Variants in EPHX2 observed in about 807,000 individuals in gnomAD.
EPHX2 encodes the protein epoxide hydrolase 2, also known as bifunctional epoxide hydrolase 2.
EPHX2 carries 74 observed loss-of-function variants against 78.7 expected under a neutral mutation model. The observed-to-expected ratio is 0.94, with a 90% CI of 0.78 to 1.14. The LOEUF is 1.14. Ranked by LOEUF, EPHX2 falls within the 50% of genes most tolerant of loss-of-function variation. The pLI, the probability that EPHX2 is intolerant of heterozygous loss-of-function variation, is 0.00. For synonymous variants in EPHX2, 251 were observed against 255.2 expected (o/e 0.98, Z 0.16); for missense variants, 715 against 702.5 (o/e 1.02, Z -0.20).
intron 11 of EPHX2, among the ~76,000 whole-genome samples, chr8:27,525,075 T>C (rs1814777494): frequency 3.6e-5 from 4 of 112,304 alleles, no homozygotes; most frequent in African/African-American, 1.7e-4. Flanking sequence ...GTACTGTGTG[T>C]GTGTGTGTGT....
Position 27,544,478 on chromosome 8 carries a change from C to T in EPHX2, c.1624C>T (p.Leu542=). The T allele has an allele frequency of 6.2e-7, 1 of 1,614,012 alleles. No homozygotes were observed. The highest frequency in any genetic ancestry group is 8.5e-7 in the Non-Finnish European group (1 of 1,180,026). Reference sequence around the variant, plus strand: ...GGTGAATCAGATCCTCATTAAGTGGCTGGATTCTGATGCCCGGAACCCACC... The same window carrying T: ...GGTGAATCAGATCCTCATTAAGTGGTTGGATTCTGATGCCCGGAACCCACC... ...TEVNQILIKW[L]DSDARNPPVV... is the part of the protein sequence containing the mutation. Residue 542 remains leucine, a synonymous_variant, in exon 19 of 19, where the codon CTG becomes TTG. Transcript: ENST00000521400.
intron 14 of EPHX2, 188 bp downstream of exon 14, chr8:27,538,880 C>A: frequency 1.6e-6 from 1 of 628,710 alleles, no homozygotes; most frequent in Non-Finnish European, 2.9e-6. Context: ...GCCTGGAGTT[C>A]CTACCCTCTA....
chr8:27,536,532 A>G (rs1815217027), intron 12 of EPHX2, among the ~76,000 whole-genome samples: 1 of 152,206 alleles, frequency 6.6e-6, no homozygotes, highest in South Asian at 2.1e-4. Flanking sequence ...TTATAGGAAT[A>G]TTGAAAAACA....
chr8:27,530,762 C>CTTT (rs11343503), intron 12 of EPHX2, among the ~76,000 whole-genome samples: 6 of 127,354 alleles, frequency 4.7e-5, no homozygotes, highest in Non-Finnish European at 8.1e-5. Context: ...TAATTTTTTT[C>CTTT]TTTTTTTTTT....
chr8:27,535,510 G>A (rs1815184528), intron 12 of EPHX2, among the ~76,000 whole-genome samples: 1 of 152,126 alleles, frequency 6.6e-6, no homozygotes, highest in Non-Finnish European at 1.5e-5. Flanking sequence ...GCCCCTAGTG[G>A]ATCTCTGCCT....
At chr8:27,520,439 C>T (rs1167200776) in intron 9 of EPHX2, among the ~76,000 whole-genome samples, 2 of 151,812 alleles carry the variant, frequency 1.3e-5, no homozygotes, top group African/African-American at 4.8e-5. Flanking sequence ...CTCTGCCTCC[C>T]GGGTTCAAGT....
At chr8:27,502,973 C>T (rs894789182) in intron 2 of EPHX2, among the ~76,000 whole-genome samples, 10 of 152,202 alleles carry the variant, frequency 6.6e-5, no homozygotes, top group African/African-American at 2.4e-4. Flanking sequence ...GTTTGTGCCC[C>T]CCGCCCAAAA....
At chr8:27,538,779 C>A in intron 14 of EPHX2, 87 bp downstream of exon 14, 4 of 1,455,652 alleles carry the variant, frequency 2.7e-6, no homozygotes, top group Non-Finnish European at 3.9e-6. Context: ...GGGCAGAAGC[C>A]CTGAGCTCTC....
chr8:27,540,523 T>G lies in EPHX2; in HGVS notation c.1277-31T>G. The G allele has an allele frequency of 3.7e-6, 6 of 1,600,086 alleles. No homozygotes were observed. The South Asian group carries it at 6.6e-5, about 18-fold the overall frequency. ...AAAATGCAGACACCTGGCCCGGGGA[T>G]GGGAAAGTCAACAAGTGGCTTTTTT... On this transcript the variant is annotated intron_variant, in intron 14 of 18. Coordinates refer to ENST00000521400, the MANE Select transcript of EPHX2 (RefSeq NM_001979.6).
At chr8:27,494,824 G>A (rs1407473503) in intron 1 of EPHX2, among the ~76,000 whole-genome samples, 1 of 152,186 alleles carries the variant, frequency 6.6e-6, no homozygotes, top group Non-Finnish European at 1.5e-5. Flanking sequence ...GGCTGGCTTC[G>A]GGCATGAGTA....
chr8:27,530,048 A>G, intron 12 of EPHX2, among the ~76,000 whole-genome samples: 1 of 150,610 alleles, frequency 6.6e-6, no homozygotes, highest in East Asian at 1.9e-4. Context: ...TTTCTCCTCA[A>G]AACATTGAGT....
At chr8:27,540,262 T>C (rs966406948) in intron 14 of EPHX2, among the ~76,000 whole-genome samples, 1 of 152,172 alleles carries the variant, frequency 6.6e-6, no homozygotes, top group South Asian at 2.1e-4. Flanking sequence ...ATATAGCTGC[T>C]GTGTGCCTGA....
intron 12 of EPHX2, among the ~76,000 whole-genome samples, chr8:27,526,078 T>C (rs72475899): frequency 5.9e-5 from 9 of 152,260 alleles, no homozygotes; most frequent in African/African-American, 2.2e-4. Context: ...GCAGGAATTA[T>C]CCAGAGAGAA....
chr8:27,515,226 C>G (rs1277527168), intron 6 of EPHX2, among the ~76,000 whole-genome samples: 1 of 152,176 alleles, frequency 6.6e-6, no homozygotes, highest in East Asian at 1.9e-4. Flanking sequence ...AAACCCTGCT[C>G]TTTACTCATG....
chr8:27,523,882 A>G (rs533632862), intron 11 of EPHX2, among the ~76,000 whole-genome samples: 1 of 152,094 alleles, frequency 6.6e-6, no homozygotes, highest in Non-Finnish European at 1.5e-5. Context: ...AACAAAAGGA[A>G]AGATAGCAAC....
At chr8:27,501,390 CTTCT>C (rs747666303) in intron 2 of EPHX2, among the ~76,000 whole-genome samples, 9 of 99,180 alleles carry the variant, frequency 9.1e-5, no homozygotes, top group African/African-American at 2.7e-4. Context: ...TCTTCTTCTT[CTTCT>C]TTCTTCTTTC....
intron 5 of EPHX2, among the ~76,000 whole-genome samples, chr8:27,508,038 C>T (rs774962788): frequency 6.6e-6 from 1 of 152,182 alleles, no homozygotes; most frequent in Non-Finnish European, 1.5e-5. Flanking sequence ...CAGTGGCTCA[C>T]TCCTGTAATC....
chr8:27,538,511 G>A, intron 13 of EPHX2, 148 bp from the exon 14 acceptor site: 1 of 670,910 alleles, frequency 1.5e-6, no homozygotes, highest in Non-Finnish European at 2.5e-6. Context: ...GTTACAGTCT[G>A]CGTGGTACTC....
chr8:27,506,613 G>T (rs1667207395), intron 4 of EPHX2, among the ~76,000 whole-genome samples: 1 of 152,150 alleles, frequency 6.6e-6, no homozygotes, highest in African/African-American at 2.4e-5. Context: ...TTTCCCAGAA[G>T]AATTTTAATG....
Sources: gnomAD v4.1 joint callset for allele counts (sites outside exome capture counted in the v4.1 genomes callset) on GRCh38, gnomAD v4.1.1 for gene constraint, MANE v1.5 for transcripts, NCBI Gene and HGNC (gene_info 2026-07-23, HGNC 2026-07-21) for gene names.